Variants in RIOK1 observed in about 807,000 individuals in gnomAD.
RIOK1 encodes RIO kinase 1, also known as serine/threonine-protein kinase RIO1.
In RIOK1, 66 loss-of-function variants were observed where a neutral mutation model predicts 73.5. That is an observed-to-expected ratio of 0.90 (90% CI 0.74 to 1.10). RIOK1 has a LOEUF of 1.10. RIOK1 is among the 50% of genes least tolerant of loss of function. The pLI is 0.00. For synonymous variants in RIOK1, 224 were observed against 226.8 expected, an observed-to-expected ratio of 0.99 and a Z score of 0.11; for missense variants, 658 against 699.8, an observed-to-expected ratio of 0.94 and a Z score of 0.67.
At chr6:7,391,775 A>G (rs4959433) in intron 1 of RIOK1, among the ~76,000 whole-genome samples, 50,401 of 152,002 alleles carry the variant, frequency 0.33, 8,626 homozygotes, top group East Asian at 0.44. Context: ...ACAGTGCAGA[A>G]GACAGTCCCC....
chr6:7,411,542 T>C, intron 14 of RIOK1, 91 bp downstream of exon 14: 3 of 1,355,498 alleles, frequency 2.2e-6, no homozygotes, highest in Non-Finnish European at 3.1e-6. Flanking sequence ...GTTCCCCTAA[T>C]CTTGAATATT....
At position 7,400,893 on chromosome 6, in the gene RIOK1, A is replaced by G. The variant is rs1581714824; in HGVS notation, c.481-65A>G. On this transcript the variant is annotated intron_variant, in intron 5 of 16. Coordinates refer to ENST00000379834, the MANE Select transcript of RIOK1 (RefSeq NM_031480.3). Reference sequence around the variant, plus strand: ...AGCTCTGCTGTTTATTGATTGTCACAGGTTTTAATGAGGAAAATTTGGTAC... The same window carrying G: ...AGCTCTGCTGTTTATTGATTGTCACGGGTTTTAATGAGGAAAATTTGGTAC... 3.3e-6 allele frequency: 3 copies of G among 901,456 alleles called. No homozygotes were observed. The East Asian group carries it at 7.3e-5, about 22-fold the overall frequency. The allele number at this position is 901,456 out of a possible 1,614,324, so 55.8% of individuals were successfully genotyped here. A position where few individuals can be genotyped will look rare whatever the true frequency, so the allele number is the denominator to read the frequency against.
At chr6:7,397,755 ATTAG>A (rs1423333781) in intron 4 of RIOK1, among the ~76,000 whole-genome samples, 1 of 152,194 alleles carries the variant, frequency 6.6e-6, no homozygotes, top group African/African-American at 2.4e-5. Flanking sequence ...TTAAACCTTT[ATTAG>A]TTTAGGTTAG....
chr6:7,416,080 G>A (rs893090899), intron 16 of RIOK1, among the ~76,000 whole-genome samples: 2 of 152,128 alleles, frequency 1.3e-5, no homozygotes, highest in Non-Finnish European at 2.9e-5. Flanking sequence ...TTAATCCCTA[G>A]CCATAGACAT....
intron 3 of RIOK1, 49 bp from the exon 4 acceptor site, chr6:7,396,654 G>A (rs12212772): frequency 0.53 from 604,534 of 1,140,552 alleles, 166,502 homozygotes; most frequent in South Asian, 0.59. Flanking sequence ...CTCTGTTAAT[G>A]TCTTTTCGTC....
intron 14 of RIOK1, among the ~76,000 whole-genome samples, chr6:7,412,251 C>T (rs1056190749): frequency 6.6e-6 from 1 of 151,100 alleles, no homozygotes; most frequent in African/African-American, 2.4e-5. Flanking sequence ...ATCCAAGCTA[C>T]TGGGGAGGCT....
intron 5 of RIOK1, among the ~76,000 whole-genome samples, chr6:7,399,910 A>C (rs1386140061): frequency 2.0e-5 from 3 of 152,194 alleles, no homozygotes; most frequent in African/African-American, 7.2e-5. Flanking sequence ...GACCCCAGCC[A>C]CTTCATTGAA....
chr6:7,408,853 C>G (rs1761815196), intron 12 of RIOK1, among the ~76,000 whole-genome samples: 1 of 150,006 alleles, frequency 6.7e-6, no homozygotes, highest in African/African-American at 2.5e-5. Context: ...TCCCGAGTAG[C>G]TGGGATTACA....
chr6:7,389,830 G>C lies in RIOK1; in HGVS notation c.-173G>C, dbSNP rs1348984530. On this transcript the variant is annotated 5_prime_UTR_variant, in exon 1 of 17. Transcript: ENST00000379834. ...GAGGGGCTTCCGGTTGGGGTGGCAG[G>C]GTGGTGGATCTGTCGGTCCCGTTTT... 7 of 607,960 alleles carry C rather than the reference G, an allele frequency of 1.2e-5. No individual in the cohort carries two copies. In the East Asian group the frequency reaches 1.9e-4, roughly 17 times the overall value. 37.7% of individuals were successfully genotyped at this position (607,960 alleles called of 1,614,324 possible). A position where few individuals can be genotyped will look rare whatever the true frequency, so the allele number is the denominator to read the frequency against.
At chr6:7,403,676 T>G (rs1051336417) in intron 8 of RIOK1, among the ~76,000 whole-genome samples, 4 of 152,134 alleles carry the variant, frequency 2.6e-5, no homozygotes, top group Non-Finnish European at 5.9e-5. Flanking sequence ...AGATGCACAT[T>G]TTTTTCAGTT....
At chr6:7,408,956 G>T (rs1407909564) in intron 12 of RIOK1, among the ~76,000 whole-genome samples, 1 of 151,870 alleles carries the variant, frequency 6.6e-6, no homozygotes, top group Admixed American at 6.6e-5. Context: ...CCTGACCTCA[G>T]GTGATCCATC....
At chr6:7,414,985 C>T (rs1340672669) in intron 16 of RIOK1, among the ~76,000 whole-genome samples, 1 of 152,182 alleles carries the variant, frequency 6.6e-6, no homozygotes, top group Non-Finnish European at 1.5e-5. Flanking sequence ...CACTTAGTAG[C>T]CTTCTTGGCT....
Position 7,417,329 on chromosome 6 carries a change from A to G in RIOK1, c.1597-2A>G. On this transcript the variant is annotated splice_acceptor_variant, in intron 16 of 16. Coordinates refer to ENST00000379834, the MANE Select transcript of RIOK1 (RefSeq NM_031480.3). LOFTEE classifies it high-confidence loss of function. ...GTTGGCTTTTTTGTTTGTTTTTTAC[A>G]GGAAAGAAAAAAGATGGTCAAGGAA... The G allele has an allele frequency of 6.6e-7, 1 of 1,515,072 alleles. No individual in the cohort carries two copies. Among genetic ancestry groups the G allele is most frequent in the Non-Finnish European group, 8.9e-7 (1 of 1,129,266 alleles). The allele number at this position is 1,515,072 out of a possible 1,614,324, so 93.9% of individuals were successfully genotyped here.
At position 7,412,873 on chromosome 6, in the gene RIOK1, T is replaced by C. The variant is rs189737618; in HGVS notation, c.1390-16T>C. 386 of 1,448,230 alleles carry C rather than the reference T, an allele frequency of 2.7e-4. No individual in the cohort carries two copies. The highest frequency in any genetic ancestry group is 1.9e-3 in the South Asian group (148 of 77,058). The allele number at this position is 1,448,230 out of a possible 1,614,324, so 89.7% of individuals were successfully genotyped here. ...TATGTTGATCCTTATTTTTTTTTTT[T>C]CATTTTGGTTATAAGATTCTATACC... On this transcript the variant is annotated splice_polypyrimidine_tract_variant and intron_variant, in intron 14 of 16. Coordinates refer to ENST00000379834, the MANE Select transcript of RIOK1 (RefSeq NM_031480.3).
chr6:7,407,051 G>T (rs1561879508), intron 12 of RIOK1, among the ~76,000 whole-genome samples: 1 of 152,198 alleles, frequency 6.6e-6, no homozygotes, highest in Admixed American at 6.5e-5. Flanking sequence ...GGACATACGG[G>T]TTGCTTATAC....
At position 7,417,341 on chromosome 6, in the gene RIOK1, A is replaced by C; in HGVS notation, c.1607A>C (p.Lys536Thr). Residue 536 changes from lysine (K) to threonine (T), a missense_variant, in exon 17 of 17, where the codon AAG becomes ACG. Lys to Thr is a moderately conservative substitution (Grantham distance 78, BLOSUM62 -1). Coordinates refer to ENST00000379834, the MANE Select transcript of RIOK1 (RefSeq NM_031480.3). ...GTTTGTTTTTTACAGGAAAGAAAAA[A>C]GATGGTCAAGGAAGCCCAGAGAGAG... ...DPDIDKKERK[K>T]MVKEAQREKR... 6.5e-7 allele frequency: 1 copy of C among 1,537,420 alleles called. No homozygotes were observed. Among genetic ancestry groups the C allele is most frequent in the Non-Finnish European group, 8.7e-7 (1 of 1,143,650 alleles).
Position 7,417,547 on chromosome 6 carries a change from C to A in RIOK1, c.*106C>A. 1 of 644,592 alleles carries A rather than the reference C, an allele frequency of 1.6e-6. No individual in the cohort carries two copies. The allele number at this position is 644,592 out of a possible 1,614,324, so 39.9% of individuals were successfully genotyped here. On this transcript the variant is annotated 3_prime_UTR_variant, in exon 17 of 17. Transcript: ENST00000379834. Reference sequence around the variant, plus strand: ...TTATTGGTTTTAACCAGATTGTCATCGTGGCACTGTCTGTGAAGACGGATT... The same window carrying A: ...TTATTGGTTTTAACCAGATTGTCATAGTGGCACTGTCTGTGAAGACGGATT...
At chr6:7,414,425 GT>G in intron 16 of RIOK1, 35 bp downstream of exon 16, 1 of 1,553,336 alleles carries the variant, frequency 6.4e-7, no homozygotes, top group Non-Finnish European at 8.7e-7. Flanking sequence ...TTTCTTTAGT[GT>G]GGGAGCACAG....
intron 6 of RIOK1, among the ~76,000 whole-genome samples, 173 bp downstream of exon 6, chr6:7,401,223 G>A (rs919323662): frequency 6.6e-6 from 1 of 152,154 alleles, no homozygotes; most frequent in Non-Finnish European, 1.5e-5. Context: ...TTTCACTACC[G>A]CTGCTGCATT....
Sources: allele counts gnomAD v4.1 joint callset (sites outside exome capture counted in the v4.1 genomes callset), GRCh38; gene constraint gnomAD v4.1.1; transcripts MANE v1.5; gene names NCBI Gene and HGNC (gene_info 2026-07-23, HGNC 2026-07-21).